Variants in PCDH15 observed in about 807,000 individuals in gnomAD.
The protein encoded by PCDH15 is protocadherin related 15.
PCDH15 carries 129 observed loss-of-function variants against 178.5 expected under a neutral mutation model. The observed-to-expected ratio is 0.72, with a 90% confidence interval of 0.63 to 0.84. PCDH15 has a LOEUF of 0.84. PCDH15 is among the 40% of genes least tolerant of loss of function. The pLI is 0.00. For synonymous variants in PCDH15, 800 were observed against 732.0 expected (o/e 1.09, Z -1.50); for missense variants, 2,230 against 2,099.9 (o/e 1.06, Z -1.21).
chr10:53,862,506 C>T (rs2079169113), intron 27 of PCDH15, among the ~76,000 whole-genome samples: 1 of 152,112 alleles, frequency 6.6e-6, no homozygotes, highest in Admixed American at 6.6e-5. Flanking sequence ...TTTAATACAA[C>T]CACTGACTCA....
chr10:55,336,147 A>C (rs997715195), intron 2 of PCDH15, among the ~76,000 whole-genome samples: 6 of 150,350 alleles, frequency 4.0e-5, no homozygotes, highest in Non-Finnish European at 7.4e-5. Flanking sequence ...AAAAAAAAAA[A>C]AAAAAAACAG....
At chr10:55,474,399 G>A (rs1022261167) in intron 2 of PCDH15, among the ~76,000 whole-genome samples, 5 of 151,898 alleles carry the variant, frequency 3.3e-5, no homozygotes, top group South Asian at 4.2e-4. Context: ...TTAGCTTCAG[G>A]GAGAAAAAAT....
intron 2 of PCDH15, among the ~76,000 whole-genome samples, chr10:55,471,151 T>C (rs1225219595): frequency 1.3e-5 from 2 of 152,172 alleles, no homozygotes. Context: ...TGAATATATG[T>C]TTTCAACTCA....
chr10:54,117,544 C>T (rs1447779835), intron 15 of PCDH15, among the ~76,000 whole-genome samples: 1 of 152,116 alleles, frequency 6.6e-6, no homozygotes, highest in Non-Finnish European at 1.5e-5. Context: ...TTAGTCCTGC[C>T]CAACCAGCAG....
intron 1 of PCDH15, among the ~76,000 whole-genome samples, chr10:54,738,660 A>T (rs1174773035): frequency 6.6e-6 from 1 of 152,090 alleles, no homozygotes; most frequent in African/African-American, 2.4e-5. Flanking sequence ...TCCTCAAAAA[A>T]CACTAGCAAA....
chr10:54,414,491 A>G (rs1954029449), intron 3 of PCDH15, among the ~76,000 whole-genome samples: 1 of 152,124 alleles, frequency 6.6e-6, no homozygotes, highest in South Asian at 2.1e-4. Context: ...AAGTAGGTAT[A>G]CAAATATGGA....
At chr10:55,509,318 G>A (rs1481125177) in intron 2 of PCDH15, among the ~76,000 whole-genome samples, 3 of 151,638 alleles carry the variant, frequency 2.0e-5, no homozygotes, top group Admixed American at 1.3e-4. Context: ...CACATAGTTC[G>A]CTGTTAAAAA....
chr10:54,724,771 G>A (rs1268389933), intron 1 of PCDH15, among the ~76,000 whole-genome samples: 1 of 151,154 alleles, frequency 6.6e-6, no homozygotes, highest in African/African-American at 2.4e-5. Context: ...TTATATATGT[G>A]TGTTAGTATA....
intron 8 of PCDH15, among the ~76,000 whole-genome samples, chr10:54,283,343 C>A (rs879393678): frequency 3.5e-4 from 53 of 152,212 alleles, no homozygotes; most frequent in African/African-American, 1.1e-3. Flanking sequence ...AAACTTACAG[C>A]CTTTTATATG....
chr10:54,807,056 A>T (rs1038539584), intron 3 of PCDH15, among the ~76,000 whole-genome samples: 2 of 152,194 alleles, frequency 1.3e-5, no homozygotes, highest in African/African-American at 4.8e-5. Context: ...TCAGAGGGAA[A>T]GGATTTATAC....
Position 53,804,468 on chromosome 10 carries a change from AAAAC to A in PCDH15, c.*2107_*2110del, listed in dbSNP as rs1391995711. 1 of 151,996 alleles carries A rather than the reference AAAAC, an allele frequency of 6.6e-6. No homozygotes were observed. Among genetic ancestry groups the A allele is most frequent in the Non-Finnish European group, 1.5e-5 (1 of 67,916 alleles). 9.4% of individuals were successfully genotyped at this position (151,996 alleles called of 1,614,324 possible). A position where few individuals can be genotyped will look rare whatever the true frequency, so the allele number is the denominator to read the frequency against. ...AGCTTCATGATTTTTCAACATTAAGAAAACAAACAAAAAACACAAACTTTCCCAT... is the reference window on the plus strand; with the variant it reads ...AGCTTCATGATTTTTCAACATTAAGAAAACAAAAAACACAAACTTTCCCAT... On this transcript the variant is annotated 3_prime_UTR_variant, in exon 38 of 38. Transcript: ENST00000644397.
intron 1 of PCDH15, among the ~76,000 whole-genome samples, chr10:54,797,546 ACACACG>A (rs1202833471): frequency 6.9e-6 from 1 of 145,758 alleles, no homozygotes; most frequent in Non-Finnish European, 1.5e-5. Flanking sequence ...ACACACACAC[ACACACG>A]ATCATCTTAG....
chr10:54,577,285 G>C (rs1010978846), intron 2 of PCDH15, among the ~76,000 whole-genome samples: 4 of 150,896 alleles, frequency 2.7e-5, no homozygotes, highest in African/African-American at 4.9e-5. Context: ...GTAGAGACGG[G>C]GTTTCACCAT....
intron 1 of PCDH15, among the ~76,000 whole-genome samples, chr10:54,718,770 C>T (rs1566027915): frequency 1.4e-5 from 2 of 147,072 alleles, no homozygotes; most frequent in South Asian, 2.2e-4. Flanking sequence ...CGGCTCACTG[C>T]AACCTCCACC....
intron 1 of PCDH15, among the ~76,000 whole-genome samples, chr10:54,699,587 G>A (rs767438201): frequency 2.0e-5 from 3 of 152,082 alleles, no homozygotes; most frequent in Admixed American, 6.6e-5. Context: ...ATACTTTTAA[G>A]TGTGGCCAAC....
chr10:54,705,375 T>G (rs2132284620), intron 1 of PCDH15, among the ~76,000 whole-genome samples: 1 of 152,232 alleles, frequency 6.6e-6, no homozygotes, highest in African/African-American at 2.4e-5. Context: ...GTCATTTGAA[T>G]GTGGTAGAGA....
intron 2 of PCDH15, among the ~76,000 whole-genome samples, chr10:55,039,435 C>T (rs1378350923): frequency 1.3e-5 from 2 of 152,076 alleles, no homozygotes; most frequent in Admixed American, 6.6e-5. Context: ...GAATATTCCT[C>T]TTCCAGTAGT....
chr10:55,588,704 A>G (rs1842775357), intron 2 of PCDH15, among the ~76,000 whole-genome samples: 1 of 152,206 alleles, frequency 6.6e-6, no homozygotes, highest in African/African-American at 2.4e-5. Context: ...TAAAACTAAG[A>G]AAAACTGGGA....
intron 21 of PCDH15, among the ~76,000 whole-genome samples, chr10:53,964,375 A>ATTTATAAATTTT (rs1564875991): frequency 3.4e-5 from 5 of 148,634 alleles, no homozygotes; most frequent in Non-Finnish European, 4.5e-5. Flanking sequence ...TTTATAAAAA[A>ATTTATAAATTTT]ATTTATTTAT....
Sources: allele counts gnomAD v4.1 joint callset (sites outside exome capture counted in the v4.1 genomes callset), GRCh38; gene constraint gnomAD v4.1.1; transcripts MANE v1.5; gene names NCBI Gene and HGNC (gene_info 2026-07-23, HGNC 2026-07-21).